Variants in ATL1 observed in about 807,000 individuals in gnomAD.
ATL1 encodes the protein atlastin-1.
In ATL1, 31 loss-of-function variants were observed where a neutral mutation model predicts 75.5. The observed-to-expected ratio is 0.41, with a 90% confidence interval of 0.31 to 0.55. The LOEUF is 0.55. Ranked by LOEUF, ATL1 falls within the 20% of genes least tolerant of loss-of-function variation. The probability of loss-of-function intolerance (pLI) is 0.27; values close to 1 mark genes in which losing one functional copy is unlikely to be tolerated. For missense variants in ATL1, 405 were observed against 662.6 expected (o/e 0.61, Z 4.27); for synonymous variants, 226 against 233.3 (o/e 0.97, Z 0.28).
At chr14:50,607,398 T>C (rs565841887) in intron 6 of ATL1, among the ~76,000 whole-genome samples, 1 of 152,118 alleles carries the variant, frequency 6.6e-6, no homozygotes, top group African/African-American at 2.4e-5. Flanking sequence ...TTTTGGAGTT[T>C]TGTGGGTTAT....
At chr14:50,588,748 C>T (rs2039125873) in intron 2 of ATL1, among the ~76,000 whole-genome samples, 1 of 152,108 alleles carries the variant, frequency 6.6e-6, no homozygotes, top group Non-Finnish European at 1.5e-5. Context: ...CAAAAATTAG[C>T]TGGGTATGTT....
At chr14:50,555,680 G>T (rs978064610), upstream of ATL1, among the ~76,000 whole-genome samples, 1 of 152,114 alleles carries the variant, frequency 6.6e-6, no homozygotes, top group South Asian at 2.1e-4. Context: ...TATTTCAGCC[G>T]TTGTAATTTT....
At chr14:50,560,526 C>G (rs1327668107) in intron 1 of ATL1, 2 of 589,136 alleles carry the variant, frequency 3.4e-6, no homozygotes, top group East Asian at 5.9e-5. Context: ...TCGCGCAGGC[C>G]GGGCCTCCAG....
rs113624980 is a variant in ATL1 at position 50,618,888 on chromosome 14, TA to T, written c.863-1710del. ...GTGTGTGTGTGTGTGTATATATATATATATTTTTTTTTCTTTCTTTGAGACA... is the reference window on the plus strand; with the variant it reads ...GTGTGTGTGTGTGTGTATATATATATTATTTTTTTTTCTTTCTTTGAGACA... On this transcript the variant is annotated intron_variant, in intron 8 of 13. Coordinates refer to ENST00000358385, the MANE Select transcript of ATL1 (RefSeq NM_015915.5). Among the ~76,000 whole-genome samples, 112 of 133,048 alleles carry T rather than the reference TA, an allele frequency of 8.4e-4. 1 individual carries two copies. Among genetic ancestry groups the T allele is most frequent in the African/African-American group, 3.1e-3 (85 of 27,400 alleles). 87.3% of individuals were successfully genotyped at this position (133,048 alleles called of 152,430 possible). A position where few individuals can be genotyped will look rare whatever the true frequency, so the allele number is the denominator to read the frequency against.
At chr14:50,629,959 CTTTTCTT>C (rs2039563738) in intron 12 of ATL1, 29 bp from the exon 13 acceptor site, 4 of 1,535,310 alleles carry the variant, frequency 2.6e-6, no homozygotes, top group Non-Finnish European at 2.7e-6. Context: ...AGGATATATA[CTTTTCTT>C]TTTTCTTTTT....
Position 50,560,307 on chromosome 14 carries a change from G to A in ATL1, c.34+8G>A. ...GGGACAGAAACAGTTGGGGTGAGTA[G>A]CAAATGAGAACTTCTGCAGCCTGCA... On this transcript the variant is annotated splice_region_variant and intron_variant, in intron 1 of 13. Coordinates refer to ENST00000358385, the MANE Select transcript of ATL1 (RefSeq NM_015915.5). 1 of 1,613,846 alleles carries A rather than the reference G, an allele frequency of 6.2e-7. No homozygotes were observed. The highest frequency in any genetic ancestry group is 1.1e-5 in the South Asian group (1 of 91,032).
chr14:50,563,530 T>A (rs1200233349), intron 1 of ATL1, among the ~76,000 whole-genome samples: 1 of 152,144 alleles, frequency 6.6e-6, no homozygotes, highest in Non-Finnish European at 1.5e-5. Context: ...CAATCCAGAA[T>A]GAGAAAATAC....
At chr14:50,573,263 G>A (rs2038971063) in intron 1 of ATL1, among the ~76,000 whole-genome samples, 1 of 152,010 alleles carries the variant, frequency 6.6e-6, no homozygotes. Flanking sequence ...TTAATGTTTT[G>A]TTCTTGATTT....
rs567326213 is a variant in ATL1 at position 50,622,414 on chromosome 14, T to A, written c.1047+515T>A. Among the ~76,000 whole-genome samples the A allele has an allele frequency of 9.3e-4, 142 of 152,192 alleles. 1 individual carries two copies. The highest frequency in any genetic ancestry group is 8.8e-3 in the Admixed American group (135 of 15,288). On this transcript the variant is annotated intron_variant, in intron 10 of 13. Transcript: ENST00000358385. ...CGGGCGTGGTGGCTCATGCCTGTAA[T>A]CCCAGCACTTTGGGAGGCCGAGGCG...
In ATL1 at chr14:50,632,408, A is replaced by G; in HGVS notation, c.*69A>G. On this transcript the variant is annotated 3_prime_UTR_variant, in exon 14 of 14. Coordinates refer to ENST00000358385, the MANE Select transcript of ATL1 (RefSeq NM_015915.5). ...AATATTCAGTTTTATGTCTCCATGC[A>G]AACATTCAAAGTGCTTCCATCAGAA... 9.2e-7 allele frequency: 1 copy of G among 1,083,576 alleles called. No individual in the cohort carries two copies. The highest frequency in any genetic ancestry group is 1.4e-6 in the Non-Finnish European group (1 of 715,960). The allele number at this position is 1,083,576 out of a possible 1,614,324, so 67.1% of individuals were successfully genotyped here.
chr14:50,555,391 C>T (rs991965342), upstream of ATL1, among the ~76,000 whole-genome samples: 14 of 152,336 alleles, frequency 9.2e-5, no homozygotes, highest in East Asian at 7.7e-4. Context: ...AAGCAATTCT[C>T]CTGCCTCAGC....
chr14:50,606,594 C>T (rs549101804), intron 6 of ATL1, among the ~76,000 whole-genome samples: 1 of 152,032 alleles, frequency 6.6e-6, no homozygotes, highest in Non-Finnish European at 1.5e-5. Context: ...TTGTAGGGAA[C>T]CTAAGGCAGA....
intron 1 of ATL1, among the ~76,000 whole-genome samples, chr14:50,535,176 T>A (rs1313545561): frequency 6.6e-6 from 1 of 152,266 alleles, no homozygotes; most frequent in Non-Finnish European, 1.5e-5. Flanking sequence ...TGCTTTGTAA[T>A]GTACTTCCCT....
At chr14:50,569,479 G>C (rs2038935592) in intron 1 of ATL1, among the ~76,000 whole-genome samples, 1 of 151,106 alleles carries the variant, frequency 6.6e-6, no homozygotes, top group Non-Finnish European at 1.5e-5. Flanking sequence ...TGGAATTACA[G>C]ACCAAAATTA....
intron 1 of ATL1, among the ~76,000 whole-genome samples, chr14:50,549,897 G>GT (rs1349837034): frequency 6.6e-6 from 1 of 152,198 alleles, no homozygotes; most frequent in Non-Finnish European, 1.5e-5. Context: ...GCATCATTCC[G>GT]TATGAATGGG....
intron 1 of ATL1, among the ~76,000 whole-genome samples, chr14:50,553,094 A>C (rs147355337): frequency 3.3e-5 from 5 of 152,092 alleles, no homozygotes; most frequent in Admixed American, 3.3e-4. Context: ...CAGGAGTTCA[A>C]GACCAGCCTG....
intron 4 of ATL1, among the ~76,000 whole-genome samples, chr14:50,593,450 AT>A (rs1220485362): frequency 2.2e-4 from 34 of 152,302 alleles, no homozygotes; most frequent in Admixed American, 1.6e-3. Flanking sequence ...ATAGACATAA[AT>A]AAAATGATTA....
intron 11 of ATL1, 84 bp from the exon 12 acceptor site, chr14:50,627,947 C>T: frequency 7.5e-7 from 1 of 1,332,776 alleles, no homozygotes; most frequent in Non-Finnish European, 1.1e-6. Flanking sequence ...TTCTAACAAA[C>T]TCAACTAGCT....
intron 1 of ATL1, among the ~76,000 whole-genome samples, chr14:50,543,900 A>C (rs2038596175): frequency 6.6e-6 from 1 of 152,200 alleles, no homozygotes; most frequent in Non-Finnish European, 1.5e-5. Context: ...CTTTCCCCAG[A>C]TGACATGGTC....
Sources: allele counts gnomAD v4.1 joint callset (sites outside exome capture counted in the v4.1 genomes callset), GRCh38; gene constraint gnomAD v4.1.1; transcripts MANE v1.5; gene names NCBI Gene and HGNC (gene_info 2026-07-23, HGNC 2026-07-21).